ABCB4: variants seen among roughly 807,000 people sequenced by gnomAD.
ABCB4 encodes the protein ATP binding cassette subfamily B member 4.
In ABCB4, 76 loss-of-function variants were observed where a neutral mutation model predicts 145.7. That is an observed-to-expected ratio of 0.52 (90% CI 0.43 to 0.63). The LOEUF is 0.63. ABCB4 is among the 30% of genes least tolerant of loss of function. The pLI, the probability that ABCB4 is intolerant of heterozygous loss-of-function variation, is 0.00. For synonymous variants in ABCB4, 517 were observed against 566.8 expected (o/e 0.91, Z 1.25); for missense variants, 1,234 against 1,553.1 (o/e 0.79, Z 3.45).
At chr7:87,460,677 G>T (rs1024415667) in intron 4 of ABCB4, among the ~76,000 whole-genome samples, 4 of 151,142 alleles carry the variant, frequency 2.6e-5, no homozygotes, top group Non-Finnish European at 5.9e-5. Flanking sequence ...TTGAGACAAG[G>T]TCTTGCACTG....
intron 25 of ABCB4, 87 bp from the exon 26 acceptor site, chr7:87,406,581 G>T (rs559125820): frequency 2.8e-6 from 4 of 1,418,354 alleles, no homozygotes; most frequent in East Asian, 2.4e-5. Flanking sequence ...TTGGAGGATC[G>T]TTGCATGAGG....
In ABCB4 at chr7:87,453,154, G is replaced by C. The variant is rs1194395150; in HGVS notation, c.345-19C>G. The C allele has an allele frequency of 6.2e-7, 1 of 1,607,244 alleles. No individual in the cohort carries two copies. Among genetic ancestry groups the C allele is most frequent in the African/African-American group, 1.3e-5 (1 of 74,788 alleles). On this transcript the variant is annotated intron_variant, in intron 5 of 27. Transcript: ENST00000649586. ...TGCATATCTGAAAAAAAAGAGAAAG[G>C]CTCTATTAAATACCTTCTCTTTTCT...
At chr7:87,409,464 A>G (rs1584679264) in intron 23 of ABCB4, 72 bp from the exon 24 acceptor site, 4 of 1,493,344 alleles carry the variant, frequency 2.7e-6, no homozygotes, top group Non-Finnish European at 3.7e-6. Context: ...GTCTAAAGGT[A>G]TAGTGCTTAC....
At chr7:87,458,820 A>G (rs1812269655) in intron 4 of ABCB4, among the ~76,000 whole-genome samples, 1 of 152,182 alleles carries the variant, frequency 6.6e-6, no homozygotes, top group Admixed American at 6.5e-5. Context: ...AGTGTTTATA[A>G]TTCGGAGGCT....
chr7:87,443,642 T>G, intron 11 of ABCB4, 21 bp downstream of exon 11: 1 of 1,597,882 alleles, frequency 6.3e-7, no homozygotes, highest in Non-Finnish European at 8.6e-7. Context: ...TAGGAATTCC[T>G]ATAAATATTA....
At chr7:87,472,766 T>A in intron 2 of ABCB4, 91 bp from the exon 3 acceptor site, 1 of 929,820 alleles carries the variant, frequency 1.1e-6, no homozygotes. Flanking sequence ...AATATTCAAC[T>A]ATTATATTTT....
intron 3 of ABCB4, among the ~76,000 whole-genome samples, chr7:87,466,945 A>G (rs1812947188): frequency 6.6e-6 from 1 of 152,258 alleles, no homozygotes; most frequent in African/African-American, 2.4e-5. Context: ...CTGCAAAAAC[A>G]TACCAAATTG....
intron 3 of ABCB4, among the ~76,000 whole-genome samples, chr7:87,465,579 T>C (rs986596840): frequency 6.6e-6 from 1 of 152,164 alleles, no homozygotes; most frequent in Non-Finnish European, 1.5e-5. Flanking sequence ...GCATTTGAGA[T>C]CTGAGAATGG....
the ABCB4 span, chr7:87,375,482 T>G: frequency 1.8e-6 from 1 of 568,368 alleles, no homozygotes; most frequent in East Asian, 2.8e-5. Context: ...AAAAAATATG[T>G]GATGTAGGAA....
chr7:87,431,529 G>C lies in ABCB4; in HGVS notation c.1768C>G (p.Arg590Gly). ...TCTGCATTTCGGACCGTAGACAGTC[G>C]GTGTGCTATCACAATGGTGGTCCGG... is the stretch of plus-strand genomic sequence containing the variant. ...EGRTTIVIAH[R>G]LSTVRNADVI... Residue 590 changes from arginine to glycine, a missense_variant, in exon 15 of 28, where the codon CGA becomes GGA. Transcript: ENST00000649586. The C allele has an allele frequency of 6.2e-7, 1 of 1,614,042 alleles. No homozygotes were observed. Among genetic ancestry groups the C allele is most frequent in the Non-Finnish European group, 8.5e-7 (1 of 1,179,966 alleles).
chr7:87,406,233 ATTGT>A (rs1448668132), intron 26 of ABCB4, 51 bp downstream of exon 26: 1 of 1,564,256 alleles, frequency 6.4e-7, no homozygotes, highest in Middle Eastern at 1.7e-4. Context: ...AACTTTGGTA[ATTGT>A]TTGGGGGATA....
chr7:87,431,395 A>G lies in ABCB4; in HGVS notation c.1893+9T>C, dbSNP rs1192369470. 1 of 1,614,042 alleles carries G rather than the reference A, an allele frequency of 6.2e-7. No individual in the cohort carries two copies. The highest frequency in any genetic ancestry group is 1.1e-5 in the South Asian group (1 of 91,078). ...CAAATAGCAGAAAAAATTCCTGAAA[A>G]GCAAGTACCTGCATGTTGACAAGTT... On this transcript the variant is annotated intron_variant, in intron 15 of 27. Transcript: ENST00000649586.
intron 4 of ABCB4, among the ~76,000 whole-genome samples, chr7:87,458,076 A>T (rs753225260): frequency 6.6e-6 from 1 of 152,186 alleles, no homozygotes; most frequent in Non-Finnish European, 1.5e-5. Flanking sequence ...CCTAGGCACT[A>T]TGGACAGTTA....
At chr7:87,421,983 C>T in intron 18 of ABCB4, 138 bp downstream of exon 18, 5 of 679,770 alleles carry the variant, frequency 7.4e-6, no homozygotes, top group South Asian at 1.8e-5. Context: ...GATAAGGAGT[C>T]TACCCTCCAG....
chr7:87,409,962 A>G (rs968768486), intron 23 of ABCB4, among the ~76,000 whole-genome samples: 1 of 152,232 alleles, frequency 6.6e-6, no homozygotes, highest in Non-Finnish European at 1.5e-5. Context: ...TAACTATGCT[A>G]TCAGTTATTA....
intron 9 of ABCB4, among the ~76,000 whole-genome samples, 155 bp from the exon 10 acceptor site, chr7:87,445,130 A>G (rs1295496707): frequency 1.3e-5 from 2 of 152,146 alleles, no homozygotes; most frequent in African/African-American, 4.8e-5. Context: ...CAAGGCTAAT[A>G]TAGCATTTTA....
intron 16 of ABCB4, among the ~76,000 whole-genome samples, chr7:87,425,236 C>G (rs1345342165): frequency 6.6e-6 from 1 of 152,120 alleles, no homozygotes; most frequent in Non-Finnish European, 1.5e-5. Context: ...TGCAGCATTT[C>G]CTGCCTCCCC....
the ABCB4 span, chr7:87,391,662 A>G: frequency 8.1e-6 from 13 of 1,612,224 alleles, no homozygotes; most frequent in Non-Finnish European, 8.5e-6. Flanking sequence ...GCGATCATGC[A>G]CAGTTGAAGC....
chr7:87,402,440 G>T, intron 27 of ABCB4, 138 bp from the exon 28 acceptor site: 2 of 1,052,656 alleles, frequency 1.9e-6, no homozygotes, highest in East Asian at 2.6e-5. Context: ...TTATGCATGT[G>T]TATTTTGTAT....
Sources: gnomAD v4.1 joint callset for allele counts (sites outside exome capture counted in the v4.1 genomes callset) on GRCh38, gnomAD v4.1.1 for gene constraint, MANE v1.5 for transcripts, NCBI Gene and HGNC (gene_info 2026-07-23, HGNC 2026-07-21) for gene names.